The following CSRNP3 variants were observed in gnomAD, a reference collection of about 807,000 sequenced individuals.
CSRNP3 encodes cysteine and serine rich nuclear protein 3, also known as cysteine/serine-rich nuclear protein 3.
Under a neutral mutation model 48.0 loss-of-function variants are expected in CSRNP3, and 12 were observed. The observed-to-expected ratio is 0.25, with a 90% CI of 0.16 to 0.41. The LOEUF is 0.41. Among genes scored for constraint, CSRNP3 ranks in the 10% least tolerant of loss-of-function variants. CSRNP3 has a pLI of 1.00. For missense variants in CSRNP3, 580 were observed against 724.4 expected, an observed-to-expected ratio of 0.80 and a Z score of 2.29; for synonymous variants, 263 against 269.7, an observed-to-expected ratio of 0.98 and a Z score of 0.24.
chr2:165,658,364 G>A (rs1687042099), intron 5 of CSRNP3, among the ~76,000 whole-genome samples: 1 of 152,110 alleles, frequency 6.6e-6, no homozygotes, highest in South Asian at 2.1e-4. Flanking sequence ...TAATAAAAGT[G>A]CTAAACAAAA....
At chr2:165,543,631 T>C (rs535730642) in intron 3 of CSRNP3, among the ~76,000 whole-genome samples, 2 of 152,280 alleles carry the variant, frequency 1.3e-5, no homozygotes, top group East Asian at 1.9e-4. Context: ...AAGTTGGTTA[T>C]AATACTAGGA....
intron 4 of CSRNP3, among the ~76,000 whole-genome samples, chr2:165,623,914 C>A (rs1558953854): frequency 6.6e-6 from 1 of 152,186 alleles, no homozygotes; most frequent in Non-Finnish European, 1.5e-5. Flanking sequence ...TACCTTCTCT[C>A]CACAAAAGGG....
intron 3 of CSRNP3, among the ~76,000 whole-genome samples, chr2:165,544,380 G>C (rs1684996475): frequency 6.6e-6 from 1 of 152,136 alleles, no homozygotes; most frequent in Non-Finnish European, 1.5e-5. Context: ...AGTGGACCTA[G>C]TTATATGGTT....
rs1014344910 is a variant in CSRNP3 at position 165,562,994 on chromosome 2, A to C, written c.-23-32049A>C. ...ATGAAGGAGAGAAGACAGTGTGAGAAGTCAGAGGATGATATGAACATTACT... is the reference window on the plus strand; with the variant it reads ...ATGAAGGAGAGAAGACAGTGTGAGACGTCAGAGGATGATATGAACATTACT... On this transcript the variant is annotated intron_variant, in intron 3 of 6. Coordinates refer to ENST00000651982, the MANE Select transcript of CSRNP3 (RefSeq NM_001172173.2). Among the ~76,000 whole-genome samples, 15 of 152,156 alleles carry C rather than the reference A, an allele frequency of 9.9e-5. 1 individual carries two copies. Among genetic ancestry groups the C allele is most frequent in the African/African-American group, 3.6e-4 (15 of 41,440 alleles).
chr2:165,577,304 A>G (rs1685468809), intron 3 of CSRNP3, among the ~76,000 whole-genome samples: 1 of 151,904 alleles, frequency 6.6e-6, no homozygotes, highest in African/African-American at 2.4e-5. Flanking sequence ...TTTACATAAA[A>G]TTCCATCAAT....
At chr2:165,581,838 C>G (rs908587080) in intron 3 of CSRNP3, among the ~76,000 whole-genome samples, 2 of 152,020 alleles carry the variant, frequency 1.3e-5, no homozygotes, top group African/African-American at 4.8e-5. Flanking sequence ...CGCCTGGCCC[C>G]CTTCTTTTGA....
chr2:165,503,783 G>A (rs540382041), intron 2 of CSRNP3, among the ~76,000 whole-genome samples: 2 of 151,870 alleles, frequency 1.3e-5, no homozygotes, highest in East Asian at 3.9e-4. Flanking sequence ...CTATGAAAGG[G>A]ATTTTGTAAT....
chr2:165,677,724 C>T (rs1558971905), intron 6 of CSRNP3, among the ~76,000 whole-genome samples: 1 of 152,138 alleles, frequency 6.6e-6, no homozygotes, highest in African/African-American at 2.4e-5. Flanking sequence ...AGGTGACAAG[C>T]AGAGCAAGTT....
At chr2:165,625,419 G>A (rs1490423602) in intron 4 of CSRNP3, among the ~76,000 whole-genome samples, 1 of 151,524 alleles carries the variant, frequency 6.6e-6, no homozygotes, top group African/African-American at 2.4e-5. Context: ...CTGAGGTCAG[G>A]AGTTCGAGAC....
At chr2:165,494,589 T>G (rs1283776155) in intron 1 of CSRNP3, among the ~76,000 whole-genome samples, 170 bp from the exon 2 acceptor site, 1 of 152,084 alleles carries the variant, frequency 6.6e-6, no homozygotes, top group African/African-American at 2.4e-5. Flanking sequence ...AATAACGACT[T>G]AGGGTAGAAT....
chr2:165,588,927 A>C (rs1268331019), intron 3 of CSRNP3, among the ~76,000 whole-genome samples: 1 of 152,110 alleles, frequency 6.6e-6, no homozygotes, highest in East Asian at 1.9e-4. Flanking sequence ...ATGCCACTGC[A>C]CTCCAGACTA....
intron 4 of CSRNP3, among the ~76,000 whole-genome samples, chr2:165,650,916 C>T (rs1686892604): frequency 1.3e-5 from 2 of 152,334 alleles, no homozygotes; most frequent in Admixed American, 6.5e-5. Flanking sequence ...ATTCTTCTCT[C>T]ATTTAACATG....
intron 2 of CSRNP3, among the ~76,000 whole-genome samples, chr2:165,502,407 A>T (rs1024495558): frequency 6.6e-6 from 1 of 152,024 alleles, no homozygotes; most frequent in African/African-American, 2.4e-5. Context: ...ATATATTTTC[A>T]CAATTTGTAT....
At chr2:165,584,590 G>A (rs553955471) in intron 3 of CSRNP3, among the ~76,000 whole-genome samples, 6 of 152,192 alleles carry the variant, frequency 3.9e-5, no homozygotes, top group Admixed American at 6.5e-5. Context: ...GAATATGAGA[G>A]TGCAATGAGT....
At chr2:165,629,700 G>A (rs953645192) in intron 4 of CSRNP3, among the ~76,000 whole-genome samples, 6 of 152,120 alleles carry the variant, frequency 3.9e-5, no homozygotes, top group Admixed American at 1.3e-4. Flanking sequence ...AAGATATCTC[G>A]ATATGTTTGA....
chr2:165,676,236 T>A (rs1687421215), intron 5 of CSRNP3, 76 bp from the exon 6 acceptor site: 2 of 1,081,348 alleles, frequency 1.8e-6, no homozygotes, highest in East Asian at 4.7e-5. Flanking sequence ...TAATAGTTCA[T>A]TCTCACCCAG....
intron 3 of CSRNP3, among the ~76,000 whole-genome samples, chr2:165,553,139 CT>C (rs200287769): frequency 6.6e-6 from 1 of 152,022 alleles, no homozygotes; most frequent in South Asian, 2.1e-4. Flanking sequence ...TAACTGTAGT[CT>C]TTTAATTATC....
At chr2:165,512,842 C>T (rs909163616) in intron 2 of CSRNP3, among the ~76,000 whole-genome samples, 7 of 152,214 alleles carry the variant, frequency 4.6e-5, no homozygotes, top group Non-Finnish European at 7.3e-5. Flanking sequence ...TGGCGGCTCA[C>T]GCCTGTAATC....
intron 3 of CSRNP3, among the ~76,000 whole-genome samples, chr2:165,573,533 A>G (rs1219655858): frequency 1.3e-5 from 2 of 152,252 alleles, no homozygotes; most frequent in Non-Finnish European, 2.9e-5. Flanking sequence ...TGCCAAAGAC[A>G]GACAAGCATT....
Sources: gnomAD v4.1 joint callset for allele counts (sites outside exome capture counted in the v4.1 genomes callset) on GRCh38, gnomAD v4.1.1 for gene constraint, MANE v1.5 for transcripts, NCBI Gene and HGNC (gene_info 2026-07-23, HGNC 2026-07-21) for gene names.